MTMR10: variants seen among roughly 807,000 people sequenced by gnomAD.
MTMR10 encodes the protein myotubularin related protein 10, also known as myotubularin-related protein 10.
MTMR10 carries 56 observed loss-of-function variants against 88.1 expected under a neutral mutation model. The ratio of observed to expected loss-of-function variants is 0.64; its 90% CI spans 0.51 to 0.79. The LOEUF is 0.79. MTMR10 is among the 30% of genes least tolerant of loss of function. MTMR10 has a pLI of 0.00. For missense variants in MTMR10, 883 were observed against 924.7 expected (o/e 0.95, Z 0.58); for synonymous variants, 380 against 340.9 (o/e 1.11, Z -1.26).
In MTMR10 at chr15:30,943,058, G is replaced by A; in HGVS notation, c.1563C>T (p.Ser521=). ...TCTCATCACCCAATTGGATGTTTTT[G>A]CTTATAGCAAATTCCTGCAAAATAA... ...RVKQSTEFAI[S]KNIQLGDEKG... Residue 521 remains serine, a synonymous_variant, in exon 15 of 16, where the codon AGC becomes AGT. Transcript: ENST00000435680. 2 of 1,532,328 alleles carry A rather than the reference G, an allele frequency of 1.3e-6. No homozygotes were observed. Among genetic ancestry groups the A allele is most frequent in the Non-Finnish European group, 1.8e-6 (2 of 1,142,010 alleles). The allele number at this position is 1,532,328 out of a possible 1,614,324, so 94.9% of individuals were successfully genotyped here. A position where few individuals can be genotyped will look rare whatever the true frequency, so the allele number is the denominator to read the frequency against.
rs1286755179 is a variant in MTMR10, at chr15:30,948,380, A to C, written c.1299T>G (p.Ser433Arg). Residue 433 changes from serine to arginine, a missense_variant, in exon 13 of 16, where the codon AGT (serine) becomes AGG (arginine). By Grantham distance (110) the Ser-to-Arg change is moderately radical (BLOSUM62 -1). Around this residue, in one of 3 missense-constraint regions of MTMR10, gnomAD observed 126 missense variants for 178.2 expected, o/e 0.71. Transcript: ENST00000435680. Reference protein sequence around the residue: ...PYFRTITGFQSLIQKEWVMAG... With the variant: ...PYFRTITGFQRLIQKEWVMAG... ...CCATGACCCACTCCTTCTGTATCAG[A>C]CTCTGAAATCCAGTAATTGTCCTAA... 1.2e-6 allele frequency: 2 copies of C among 1,613,712 alleles called. No individual in the cohort carries two copies. Among genetic ancestry groups the C allele is most frequent in the Non-Finnish European group, 1.7e-6 (2 of 1,179,760 alleles).
intron 12 of MTMR10, among the ~76,000 whole-genome samples, chr15:30,950,529 G>T (rs1007124841): frequency 6.6e-6 from 1 of 152,132 alleles, no homozygotes; most frequent in Admixed American, 6.6e-5. Flanking sequence ...AATTAGCCGG[G>T]CGTGGTGGTG....
At chr15:30,928,347 C>T in the MTMR10 span, 1 of 1,312,398 alleles carries the variant, frequency 7.6e-7, no homozygotes, top group Admixed American at 3.7e-5. Context: ...GATTTTTGCC[C>T]TTAAGGCTCT....
intron 7 of MTMR10, among the ~76,000 whole-genome samples, chr15:30,960,348 G>A (rs148507749): frequency 6.6e-6 from 1 of 152,290 alleles, no homozygotes; most frequent in Non-Finnish European, 1.5e-5. Context: ...AAACATTCTT[G>A]CCAAAAGTAC....
downstream of MTMR10, chr15:30,937,070 T>C: frequency 1.3e-6 from 2 of 1,521,392 alleles, no homozygotes; most frequent in Non-Finnish European, 9.0e-7. Context: ...TTGAATGGCT[T>C]TTCATTCAGT....
the MTMR10 span, among the ~76,000 whole-genome samples, chr15:30,925,535 C>T: frequency 0.038 from 5,712 of 152,256 alleles, 356 homozygotes; most frequent in African/African-American, 0.13. Context: ...CTGAATGGGG[C>T]CTCTCAGCAT....
rs1296017417 is a variant in MTMR10, at chr15:30,939,390, C to G, written c.*2080G>C. On this transcript the variant is annotated 3_prime_UTR_variant, in exon 16 of 16. Coordinates refer to ENST00000435680, the MANE Select transcript of MTMR10 (RefSeq NM_017762.3). ...TAGTGCGCCCTGTGCAGCCACACCA[C>G]TGCTGTCACCACATGTCCCTCTGAC... is the stretch of plus-strand genomic sequence containing the variant. 1.1e-5 allele frequency: 11 copies of G among 985,492 alleles called. No homozygotes were observed. The highest frequency in any genetic ancestry group is 1.3e-5 in the Non-Finnish European group (11 of 829,950). 61.0% of individuals were successfully genotyped at this position (985,492 alleles called of 1,614,324 possible).
Position 30,942,271 on chromosome 15 carries a change from G to C in MTMR10, c.1732-199C>G, listed in dbSNP as rs142459851. On this transcript the variant is annotated intron_variant, in intron 15 of 15. Coordinates refer to ENST00000435680, the MANE Select transcript of MTMR10 (RefSeq NM_017762.3). Reference sequence around the variant, plus strand: ...CTTTTTTATGTGTTGACTCTACCTAGGCTGTTACTATCAGCCTGAATGGGG... The same window carrying C: ...CTTTTTTATGTGTTGACTCTACCTACGCTGTTACTATCAGCCTGAATGGGG... 28 of 675,230 alleles carry C rather than the reference G, an allele frequency of 4.1e-5. No homozygotes were observed. In the East Asian group the frequency reaches 4.9e-4, roughly 12 times the overall value. The allele number at this position is 675,230 out of a possible 1,614,324, so 41.8% of individuals were successfully genotyped here.
At position 30,976,179 on chromosome 15, in the gene MTMR10, T is replaced by C. The variant is rs574313787; in HGVS notation, c.258+640A>G. On this transcript the variant is annotated intron_variant, in intron 3 of 15. Transcript: ENST00000435680. Reference sequence around the variant, plus strand: ...ACTTTGGGAGGGGGAGGCAGGCAGATTGCTTGGGCTCAGAAGTTCAAGACC... The same window carrying C: ...ACTTTGGGAGGGGGAGGCAGGCAGACTGCTTGGGCTCAGAAGTTCAAGACC... Among the ~76,000 whole-genome samples the C allele has an allele frequency of 5.1e-4, 76 of 150,298 alleles. 1 individual carries two copies. The highest frequency in any genetic ancestry group is 3.6e-3 in the Middle Eastern group (1 of 280).
chr15:30,926,415 G>T, the MTMR10 span: 2 of 176,984 alleles, frequency 1.1e-5, no homozygotes, highest in Non-Finnish European at 2.2e-5. Flanking sequence ...TGCCCGGGCT[G>T]CAGGGTTACC....
the MTMR10 span, among the ~76,000 whole-genome samples, chr15:30,924,454 A>C: frequency 6.6e-6 from 1 of 152,122 alleles, no homozygotes; most frequent in Non-Finnish European, 1.5e-5. Flanking sequence ...CCCACCAGCA[A>C]TGCGTGAGGT....
At chr15:30,953,199 A>T (rs1595917374) in intron 11 of MTMR10, among the ~76,000 whole-genome samples, 1 of 152,340 alleles carries the variant, frequency 6.6e-6, no homozygotes, top group East Asian at 1.9e-4. Flanking sequence ...TAGTCAACAG[A>T]CACAGATGGC....
chr15:30,941,576 G>C lies in MTMR10; in HGVS notation c.2228C>G (p.Pro743Arg). 6.2e-7 allele frequency: 1 copy of C among 1,600,274 alleles called. No homozygotes were observed. Among genetic ancestry groups the C allele is most frequent in the Non-Finnish European group, 8.5e-7 (1 of 1,172,856 alleles). Residue 743 changes from proline to arginine, a missense_variant, in exon 16 of 16, where the codon CCT becomes CGT. Around this residue, in one of 3 missense-constraint regions of MTMR10, gnomAD observed 343 missense variants for 323.2 expected, o/e 1.06. Transcript: ENST00000435680. ...EFLSSSFPFSPVGNLCRRSIL... is the reference protein window; with the variant it reads ...EFLSSSFPFSRVGNLCRRSIL... ...GCTTCGTCTGCACAGATTCCCTACA[G>C]GAGAAAATGGAAATGAGGAGGAGAG...
chr15:30,920,531 T>G, the MTMR10 span: 365 of 1,535,524 alleles, frequency 2.4e-4, no homozygotes, highest in Non-Finnish European at 3.1e-4. Context: ...TACTGGTATA[T>G]GTCTTCATTT....
Position 30,941,201 on chromosome 15 carries a change from C to A in MTMR10, c.*269G>T. On this transcript the variant is annotated 3_prime_UTR_variant, in exon 16 of 16. Coordinates refer to ENST00000435680, the MANE Select transcript of MTMR10 (RefSeq NM_017762.3). ...AGGTGGTAGGAAAAATGGATGGAGA[C>A]AAAAATGTAGCAGACAACATGAACA... is the stretch of plus-strand genomic sequence containing the variant. 2 of 1,362,466 alleles carry A rather than the reference C, an allele frequency of 1.5e-6. No homozygotes were observed. The highest frequency in any genetic ancestry group is 1.9e-6 in the Non-Finnish European group (2 of 1,037,450). 84.4% of individuals were successfully genotyped at this position (1,362,466 alleles called of 1,614,324 possible).
the MTMR10 span, chr15:30,928,380 AAAAT>A: frequency 2.1e-6 from 3 of 1,440,980 alleles, no homozygotes. Flanking sequence ...CATACTGTAT[AAAAT>A]AAACTGGGAA....
At chr15:30,927,781 C>T in the MTMR10 span, 2 of 985,836 alleles carry the variant, frequency 2.0e-6, no homozygotes, top group Non-Finnish European at 2.4e-6. Flanking sequence ...ACTTGGAGGG[C>T]AGCTGGATGA....
chr15:30,955,417 C>G (rs1271515351), intron 9 of MTMR10, among the ~76,000 whole-genome samples: 1 of 152,144 alleles, frequency 6.6e-6, no homozygotes, highest in Non-Finnish European at 1.5e-5. Context: ...ATTACAGGCA[C>G]CCGCCACCAC....
intron 7 of MTMR10, 140 bp from the exon 8 acceptor site, chr15:30,959,261 G>A (rs1198703870): frequency 5.5e-6 from 4 of 722,494 alleles, no homozygotes; most frequent in Admixed American, 5.9e-5. Flanking sequence ...GGCACCATGG[G>A]GGGGCAGTGA....
Sources: gnomAD v4.1 joint callset for allele counts (sites outside exome capture counted in the v4.1 genomes callset) on GRCh38, gnomAD v4.1.1 for gene constraint, gnomAD v4.1.1 regional missense constraint, MANE v1.5 for transcripts, NCBI Gene and HGNC (gene_info 2026-07-23, HGNC 2026-07-21) for gene names.